YY1: variants seen among roughly 807,000 people sequenced by gnomAD.
YY1 encodes the protein YY1 transcription factor.
YY1 carries 2 observed loss-of-function variants against 35.6 expected under a neutral mutation model. That is an observed-to-expected ratio of 0.06 (90% confidence interval 0.02 to 0.18). YY1 has a LOEUF of 0.18. YY1 is among the 10% of genes least tolerant of loss of function. YY1 has a pLI of 1.00. For missense variants in YY1, 322 were observed against 573.4 expected, an observed-to-expected ratio of 0.56 and a Z score of 4.48; for synonymous variants, 268 against 238.9, an observed-to-expected ratio of 1.12 and a Z score of -1.12.
In YY1 at chr14:100,274,704, G is replaced by A. The variant is rs762762038; in HGVS notation, c.849G>A (p.Lys283=). The A allele has an allele frequency of 3.3e-5, 54 of 1,613,664 alleles. No individual in the cohort carries two copies. Among genetic ancestry groups the A allele is most frequent in the Admixed American group, 5.0e-5 (3 of 59,984 alleles). ...PKQLAEFARM[K]PRKIKEDDAP... ...CTCTTTTTCTTTTGATAAGAATGAA[G>A]CCAAGAAAAATTAAAGAAGATGATG... The change falls in exon 3 of 5, where the codon AAG becomes AAA. Residue 283 remains lysine (K), a synonymous_variant. Coordinates refer to ENST00000262238, the MANE Select transcript of YY1 (RefSeq NM_003403.5).
At position 100,239,775 on chromosome 14, in the gene YY1, C is replaced by T. The variant is rs774817525; in HGVS notation, c.531C>T (p.Gly177=). The T allele has an allele frequency of 6.4e-7, 1 of 1,566,692 alleles. No individual in the cohort carries two copies. The highest frequency in any genetic ancestry group is 1.1e-5 in the South Asian group (1 of 87,904). ...SGGGRVKKGG[G]KKSGKKSYLS... is the part of the protein sequence containing the mutation. ...GCGGCCGCGTCAAGAAGGGCGGCGG[C>T]AAGAAGAGCGGCAAGAAGAGTTACC... Residue 177 remains glycine (G), a synonymous_variant, in exon 1 of 5, where the codon GGC becomes GGT. Transcript: ENST00000262238.
At position 100,239,223 on chromosome 14, in the gene YY1, C is replaced by G. The variant is rs993082941; in HGVS notation, c.-22C>G. ...GCCGAGGAGCCGAGGCCGCCGCGGC[C>G]GTGGCGGCGGAGCCCTCAGCCATGG... On this transcript the variant is annotated 5_prime_UTR_variant, in exon 1 of 5. Coordinates refer to ENST00000262238, the MANE Select transcript of YY1 (RefSeq NM_003403.5). 3 of 1,469,394 alleles carry G rather than the reference C, an allele frequency of 2.0e-6. No individual in the cohort carries two copies. Among genetic ancestry groups the G allele is most frequent in the African/African-American group, 1.5e-5 (1 of 66,624 alleles). 91.0% of individuals were successfully genotyped at this position (1,469,394 alleles called of 1,614,324 possible).
intron 1 of YY1, among the ~76,000 whole-genome samples, chr14:100,254,294 A>G (rs1288922975): frequency 6.6e-6 from 1 of 152,214 alleles, no homozygotes; most frequent in Non-Finnish European, 1.5e-5. Context: ...TGGCCAAATG[A>G]TAGCAAATAT....
At chr14:100,257,402 C>T (rs1263898574) in intron 1 of YY1, among the ~76,000 whole-genome samples, 1 of 152,188 alleles carries the variant, frequency 6.6e-6, no homozygotes, top group African/African-American at 2.4e-5. Flanking sequence ...GTTCAGTCTT[C>T]TGTCTCAGCA....
chr14:100,239,173 C>T lies in YY1; in HGVS notation c.-72C>T, dbSNP rs1406217552. ...CTCTGCCTTCCTTCCCCACGGCCGG[C>T]CGCCTCCTCGCCCGCCCGCCCGCAG... On this transcript the variant is annotated 5_prime_UTR_variant, in exon 1 of 5. Transcript: ENST00000262238. 3.8e-6 allele frequency: 5 copies of T among 1,307,978 alleles called. No individual in the cohort carries two copies. Among genetic ancestry groups the T allele is most frequent in the African/African-American group, 3.2e-5 (2 of 63,268 alleles). 81.0% of individuals were successfully genotyped at this position (1,307,978 alleles called of 1,614,324 possible). A position where few individuals can be genotyped will look rare whatever the true frequency, so the allele number is the denominator to read the frequency against.
rs755031708 is a variant in YY1, at chr14:100,279,127, C to T, written c.*1527C>T. 5.3e-5 allele frequency: 8 copies of T among 152,156 alleles called. No individual in the cohort carries two copies. The highest frequency in any genetic ancestry group is 3.3e-4 in the Admixed American group (5 of 15,280). The allele number at this position is 152,156 out of a possible 1,614,324, so 9.4% of individuals were successfully genotyped here. ...CTCACATTGTAACCTCTTAAATGTA[C>T]GATTATAATGTTGGATCTTAGGTCA... On this transcript the variant is annotated 3_prime_UTR_variant, in exon 5 of 5. Coordinates refer to ENST00000262238, the MANE Select transcript of YY1 (RefSeq NM_003403.5).
rs142584290 is a variant in YY1 at position 100,280,018 on chromosome 14, G to C, written c.*2418G>C. ...GTCATCACTCCCCTTGACTCTCTCT[G>C]TTCACGTCTTCTCAGTCTGCAGAGT... On this transcript the variant is annotated 3_prime_UTR_variant, in exon 5 of 5. Transcript: ENST00000262238. The C allele has an allele frequency of 1.3e-5, 2 of 152,172 alleles. No homozygotes were observed. The highest frequency in any genetic ancestry group is 2.4e-5 in the African/African-American group (1 of 41,430). The allele number at this position is 152,172 out of a possible 1,614,324, so 9.4% of individuals were successfully genotyped here.
chr14:100,279,624 C>G lies in YY1; in HGVS notation c.*2024C>G, dbSNP rs1891382493. The G allele has an allele frequency of 6.6e-6, 1 of 152,250 alleles. No individual in the cohort carries two copies. Among genetic ancestry groups the G allele is most frequent in the Non-Finnish European group, 1.5e-5 (1 of 68,054 alleles). 9.4% of individuals were successfully genotyped at this position (152,250 alleles called of 1,614,324 possible). A position where few individuals can be genotyped will look rare whatever the true frequency, so the allele number is the denominator to read the frequency against. The stretch of plus-strand genomic sequence containing the variant: ...TGGTGGAGGTCTTCAGTGCCGAGGG[C>G]TCGGATGAGAACGTGTAGTTCTTTG... On this transcript the variant is annotated 3_prime_UTR_variant, in exon 5 of 5. Transcript: ENST00000262238.
In YY1 at chr14:100,279,941, C is replaced by T. The variant is rs1449734611; in HGVS notation, c.*2341C>T. 6.6e-6 allele frequency: 1 copy of T among 152,298 alleles called. No homozygotes were observed. Among genetic ancestry groups the T allele is most frequent in the Non-Finnish European group, 1.5e-5 (1 of 68,108 alleles). 9.4% of individuals were successfully genotyped at this position (152,298 alleles called of 1,614,324 possible). ...AGTCCCTCTTCCTCTGTGCCTTGAT[C>T]CCTTGGGGGTGCCTTTGGTCATCTC... On this transcript the variant is annotated 3_prime_UTR_variant, in exon 5 of 5. Transcript: ENST00000262238.
intron 1 of YY1, among the ~76,000 whole-genome samples, chr14:100,254,778 T>A (rs573720025): frequency 0.013 from 1,768 of 134,258 alleles, 40 homozygotes; most frequent in African/African-American, 0.049. Flanking sequence ...TTTATTTATT[T>A]TTTTTTTTTT....
chr14:100,253,113 G>T (rs1399455184), intron 1 of YY1, among the ~76,000 whole-genome samples: 1 of 152,156 alleles, frequency 6.6e-6, no homozygotes, highest in Non-Finnish European at 1.5e-5. Flanking sequence ...AACAATAAAA[G>T]ATCCTGTCCT....
At chr14:100,269,948 T>C (rs771284449) in intron 2 of YY1, among the ~76,000 whole-genome samples, 1 of 152,100 alleles carries the variant, frequency 6.6e-6, no homozygotes, top group African/African-American at 2.4e-5. Flanking sequence ...ATTTGAAAAT[T>C]TCCATGATAA....
At chr14:100,240,260 A>G (rs1220319933) in intron 1 of YY1, among the ~76,000 whole-genome samples, 1 of 101,902 alleles carries the variant, frequency 9.8e-6, no homozygotes, top group African/African-American at 3.0e-5. Context: ...GCCCGCATCA[A>G]CGGGCGCGCC....
intron 1 of YY1, among the ~76,000 whole-genome samples, chr14:100,249,169 G>A (rs544610118): frequency 1.6e-5 from 2 of 126,698 alleles, no homozygotes; most frequent in Admixed American, 2.1e-4. Flanking sequence ...GCCCAGGCTG[G>A]AGTTCAGTGG....
In YY1 at chr14:100,276,765, C is replaced by T; in HGVS notation, c.1062+117C>T. 6.6e-7 allele frequency: 1 copy of T among 1,504,762 alleles called. No homozygotes were observed. The highest frequency in any genetic ancestry group is 9.1e-7 in the Non-Finnish European group (1 of 1,099,390). The allele number at this position is 1,504,762 out of a possible 1,614,324, so 93.2% of individuals were successfully genotyped here. A position where few individuals can be genotyped will look rare whatever the true frequency, so the allele number is the denominator to read the frequency against. ...CCAGAGACTCAGGGTCTTATTACTC[C>T]TTGGTGAGAAACAAAACTTCTCCTG... On this transcript the variant is annotated intron_variant, in intron 4 of 4. Coordinates refer to ENST00000262238, the MANE Select transcript of YY1 (RefSeq NM_003403.5). The surrounding 1 kb of genome is among the most constrained non-coding windows in gnomAD (Gnocchi z 4.1).
Position 100,272,529 on chromosome 14 carries a change from T to C in YY1, c.843-2169T>C, listed in dbSNP as rs1891256527. Among the ~76,000 whole-genome samples the C allele has an allele frequency of 2.0e-5, 3 of 152,070 alleles. No individual in the cohort carries two copies. The South Asian group carries it at 6.2e-4, about 31-fold the overall frequency. On this transcript the variant is annotated intron_variant, in intron 2 of 4. Coordinates refer to ENST00000262238, the MANE Select transcript of YY1 (RefSeq NM_003403.5). Reference sequence around the variant, plus strand: ...GTGAAGAAGGACATTGTTAGGGCCTTCACAAACTTAAAAGATCACAGAATT... The same window carrying C: ...GTGAAGAAGGACATTGTTAGGGCCTCCACAAACTTAAAAGATCACAGAATT...
At chr14:100,273,505 G>A (rs779580559) in intron 2 of YY1, among the ~76,000 whole-genome samples, 2 of 151,900 alleles carry the variant, frequency 1.3e-5, no homozygotes, top group Admixed American at 1.3e-4. Flanking sequence ...ATAGAGACAG[G>A]GTTTTGTCCA....
Position 100,276,452 on chromosome 14 carries a change from T to C in YY1, c.904-38T>C, listed in dbSNP as rs1891319525. ...AATGGTTGAATCCTTTCTAACAGTT[T>C]GCAATGTGAACTTCTAAGCTGCTTT... On this transcript the variant is annotated intron_variant, in intron 3 of 4. Coordinates refer to ENST00000262238, the MANE Select transcript of YY1 (RefSeq NM_003403.5). The surrounding 1 kb of genome is among the most constrained non-coding windows in gnomAD (Gnocchi z 4.1). 6.2e-7 allele frequency: 1 copy of C among 1,614,154 alleles called. No homozygotes were observed. Among genetic ancestry groups the C allele is most frequent in the African/African-American group, 1.3e-5 (1 of 75,060 alleles).
In YY1 at chr14:100,239,415, C is replaced by A; in HGVS notation, c.171C>A (p.Gly57=). The A allele has an allele frequency of 6.3e-7, 1 of 1,595,068 alleles. No homozygotes were observed. Among genetic ancestry groups the A allele is most frequent in the Non-Finnish European group, 8.5e-7 (1 of 1,172,258 alleles). Residue 57 remains glycine (G), a synonymous_variant, in exon 1 of 5, where the codon GGC becomes GGA. Transcript: ENST00000262238. The part of the protein sequence containing the change: ...EDDDDEDGGG[G]DHGGGGGHGH... Reference sequence around the variant, plus strand: ...ACGACGACGAGGACGGCGGCGGTGGCGACCACGGCGGCGGGGGCGGCCACG... The same window carrying A: ...ACGACGACGAGGACGGCGGCGGTGGAGACCACGGCGGCGGGGGCGGCCACG...
Sources: allele counts gnomAD v4.1 joint callset (sites outside exome capture counted in the v4.1 genomes callset), GRCh38; gene constraint gnomAD v4.1.1; non-coding constraint Gnocchi (gnomAD v3.1); transcripts MANE v1.5; gene names NCBI Gene and HGNC (gene_info 2026-07-23, HGNC 2026-07-21).